KIF5A: variants seen among roughly 807,000 people sequenced by gnomAD.
KIF5A encodes kinesin heavy chain isoform 5A.
A neutral mutation model predicts 141.3 loss-of-function variants in KIF5A; 35 were observed. That is an observed-to-expected ratio of 0.25 (90% confidence interval 0.19 to 0.33). KIF5A has a LOEUF of 0.33. KIF5A is among the 10% of genes least tolerant of loss of function. The probability of loss-of-function intolerance (pLI) is 1.00; values close to 1 mark genes in which losing one functional copy is unlikely to be tolerated. For synonymous variants in KIF5A, 448 were observed against 500.2 expected (o/e 0.90, Z 1.39); for missense variants, 861 against 1,314.3 (o/e 0.66, Z 5.33).
At position 57,567,529 on chromosome 12, in the gene KIF5A, T is replaced by G; in HGVS notation, c.625T>G (p.Phe209Val). The change falls in exon 8 of 29, where the codon TTC becomes GTC. Residue 209 changes from phenylalanine (F) to valine (V), a missense_variant. Phe to Val is a conservative substitution (Grantham distance 50, BLOSUM62 -1). This residue lies in a region of KIF5A where 146 missense variants were observed against 353.4 expected (regional missense o/e 0.41). Transcript: ENST00000455537. ...NEHSSRSHSI[F>V]LINIKQENME... ...ACACAGCTCTCGGAGCCACAGCATC[T>G]TCCTCATCAACATCAAGCAGGAGAA... The G allele has an allele frequency of 6.2e-7, 1 of 1,613,436 alleles. No individual in the cohort carries two copies. Among genetic ancestry groups the G allele is most frequent in the South Asian group, 1.1e-5 (1 of 91,022 alleles).
intron 24 of KIF5A, 74 bp downstream of exon 24, chr12:57,581,246 C>G (rs991518380): frequency 2.0e-6 from 3 of 1,512,228 alleles, no homozygotes; most frequent in African/African-American, 2.8e-5. Context: ...TGCCAAGCAA[C>G]TAGATTATTG....
At chr12:57,559,245 A>G (rs1445195390) in intron 1 of KIF5A, among the ~76,000 whole-genome samples, 1 of 152,262 alleles carries the variant, frequency 6.6e-6, no homozygotes, top group Non-Finnish European at 1.5e-5. Context: ...AGTGGAGGTC[A>G]TAAAGCATAT....
chr12:57,550,541 T>G lies in KIF5A; in HGVS notation c.129+141T>G. ...TCATCCTCTTCCCCGCAGCCCCTCCTCTCCCCTGCATCAGGATGGCTGGGT... is the reference window on the plus strand; with the variant it reads ...TCATCCTCTTCCCCGCAGCCCCTCCGCTCCCCTGCATCAGGATGGCTGGGT... On this transcript the variant is annotated intron_variant, in intron 1 of 28. Coordinates refer to ENST00000455537, the MANE Select transcript of KIF5A (RefSeq NM_004984.4). This position sits in a 1 kb window ranked among gnomAD's most constrained non-coding sequence, Gnocchi z 4.6. The G allele has an allele frequency of 2.3e-6, 2 of 862,568 alleles. No individual in the cohort carries two copies. The highest frequency in any genetic ancestry group is 3.6e-6 in the Non-Finnish European group (2 of 560,536). The allele number at this position is 862,568 out of a possible 1,614,324, so 53.4% of individuals were successfully genotyped here. A position where few individuals can be genotyped will look rare whatever the true frequency, so the allele number is the denominator to read the frequency against.
At chr12:57,552,823 C>T (rs1437689849) in intron 1 of KIF5A, among the ~76,000 whole-genome samples, 1 of 152,094 alleles carries the variant, frequency 6.6e-6, no homozygotes, top group Non-Finnish European at 1.5e-5. Flanking sequence ...CCAATGCAGC[C>T]CCTACTCCTT....
In KIF5A at chr12:57,567,146, G is replaced by A. The variant is rs1443344036; in HGVS notation, c.522G>A (p.Val174=). 3.1e-6 allele frequency: 5 copies of A among 1,612,618 alleles called. No homozygotes were observed. The highest frequency in any genetic ancestry group is 4.2e-6 in the Non-Finnish European group (5 of 1,179,096). ...PFVKGCTERF[V]SSPEEILDVI... ...CACAGGGTTGTACTGAACGCTTTGT[G>A]TCCAGCCCGGAGGAGATTCTGGATG... Residue 174 remains valine (V), a synonymous_variant, in exon 7 of 29, where the codon GTG becomes GTA. Coordinates refer to ENST00000455537, the MANE Select transcript of KIF5A (RefSeq NM_004984.4).
Position 57,572,244 on chromosome 12 carries a change from G to A in KIF5A, c.1546G>A (p.Val516Met), listed in dbSNP as rs1882278218. The A allele has an allele frequency of 1.9e-6, 3 of 1,602,104 alleles. No homozygotes were observed. The highest frequency in any genetic ancestry group is 2.6e-6 in the Non-Finnish European group (3 of 1,174,172). ...EEKSQQNQLL[V>M]DELSQKVATM... ...GAAGAGCCAGCAGAACCAGCTTCTG[G>A]TGGATGAGCTGTCTCAGAAGGTGGT... Residue 516 changes from valine to methionine, a missense_variant, in exon 14 of 29, where the codon GTG (valine) becomes ATG (methionine). Val to Met is a conservative substitution (Grantham distance 21). Transcript: ENST00000455537. The surrounding 1 kb of genome is among the most constrained non-coding windows in gnomAD (Gnocchi z 4.2).
chr12:57,583,324 TTTAA>T, intron 28 of KIF5A, 109 bp downstream of exon 28: 1 of 687,102 alleles, frequency 1.5e-6, no homozygotes, highest in Non-Finnish European at 2.6e-6. Context: ...ACCTCAAAAC[TTTAA>T]TTATGTAGTT....
At chr12:57,559,525 T>C (rs1594909891) in intron 1 of KIF5A, among the ~76,000 whole-genome samples, 1 of 152,320 alleles carries the variant, frequency 6.6e-6, no homozygotes, top group East Asian at 1.9e-4. Flanking sequence ...CATTTTATGA[T>C]GTTATAATTT....
At chr12:57,553,316 T>G (rs1042424192) in intron 1 of KIF5A, among the ~76,000 whole-genome samples, 8 of 152,108 alleles carry the variant, frequency 5.3e-5, no homozygotes, top group Non-Finnish European at 1.0e-4. Context: ...CTCCCTCAGG[T>G]CTCCCAATGG....
intron 12 of KIF5A, among the ~76,000 whole-genome samples, chr12:57,570,555 C>A (rs970082509): frequency 1.3e-5 from 2 of 152,120 alleles, no homozygotes; most frequent in Admixed American, 6.5e-5. Context: ...CATGCCACCA[C>A]GCCTGGCTAA....
At chr12:57,573,528 CT>C (rs1882320303) in intron 15 of KIF5A, among the ~76,000 whole-genome samples, 1 of 145,502 alleles carries the variant, frequency 6.9e-6, no homozygotes, top group African/African-American at 2.6e-5. Flanking sequence ...CAGACCTTGT[CT>C]TAAAAAAAAA....
In KIF5A at chr12:57,558,579, CAGG is replaced by C. The variant is rs1881816198; in HGVS notation, c.130-4857_130-4855del. On this transcript the variant is annotated intron_variant, in intron 1 of 28. Transcript: ENST00000455537. ...ATCCCAGCTACTCTGGAGGCTGAAG[CAGG>C]AGAACTGCTTGAGCCCGGGAGGCAG... is the stretch of plus-strand genomic sequence containing the variant. 2.0e-5 allele frequency among the ~76,000 whole-genome samples: 3 copies of C among 152,214 alleles called. No individual in the cohort carries two copies. In the South Asian group the frequency reaches 6.2e-4, roughly 31 times the overall value.
At position 57,586,469 on chromosome 12, in the gene KIF5A, T is replaced by G. The variant is rs1244600847; in HGVS notation, c.*2288T>G. On this transcript the variant is annotated 3_prime_UTR_variant, in exon 29 of 29. Transcript: ENST00000455537. ...CTGCTCCCCACCTTCACCGCATCCC[T>G]TTCAGAGCCAGGGTCACTGCAAGGG... The G allele has an allele frequency of 6.6e-6, 1 of 152,420 alleles. No individual in the cohort carries two copies. Among genetic ancestry groups the G allele is most frequent in the African/African-American group, 2.4e-5 (1 of 41,452 alleles). The allele number at this position is 152,420 out of a possible 1,614,324, so 9.4% of individuals were successfully genotyped here.
In KIF5A at chr12:57,564,302, T is replaced by C. The variant is rs1460537886; in HGVS notation, c.396+90T>C. 3.6e-6 allele frequency: 4 copies of C among 1,115,884 alleles called. No homozygotes were observed. The East Asian group carries it at 9.4e-5, about 26-fold the overall frequency. 69.1% of individuals were successfully genotyped at this position (1,115,884 alleles called of 1,614,324 possible). Reference sequence around the variant, plus strand: ...CACTGAAGAGCCTGGGCTCCCCAACTTGACTCCCTTTCCGGTTACCAGAGT... The same window carrying C: ...CACTGAAGAGCCTGGGCTCCCCAACCTGACTCCCTTTCCGGTTACCAGAGT... On this transcript the variant is annotated intron_variant, in intron 4 of 28. Transcript: ENST00000455537.
chr12:57,571,988 C>T, intron 13 of KIF5A, 73 bp from the exon 14 acceptor site: 2 of 1,342,764 alleles, frequency 1.5e-6, no homozygotes, highest in South Asian at 2.5e-5. Context: ...GGGGGCTCAG[C>T]TTCCCAGACC....
rs1265956693 is a variant in KIF5A at position 57,567,201 on chromosome 12, G to A, written c.577G>A (p.Val193Met). The stretch of plus-strand genomic sequence containing the variant: ...TGATGAAGGGAAATCAAATCGTCAT[G>A]TGGCTGTCACCAGTGAGTGAGGATA... ...VIDEGKSNRH[V>M]AVTNMNEHSS... The change falls in exon 7 of 29, where the codon GTG (valine) becomes ATG (methionine). Residue 193 changes from valine (V) to methionine (M), a missense_variant. By Grantham distance (21) the Val-to-Met change is conservative. Around this residue, in one of 5 missense-constraint regions of KIF5A, gnomAD observed 146 missense variants for 353.4 expected, o/e 0.41. Coordinates refer to ENST00000455537, the MANE Select transcript of KIF5A (RefSeq NM_004984.4). The A allele has an allele frequency of 3.1e-6, 5 of 1,612,342 alleles. No individual in the cohort carries two copies. Among genetic ancestry groups the A allele is most frequent in the Non-Finnish European group, 2.5e-6 (3 of 1,178,614 alleles).
chr12:57,562,287 C>T (rs535836972), intron 1 of KIF5A, among the ~76,000 whole-genome samples: 2 of 152,336 alleles, frequency 1.3e-5, no homozygotes, highest in East Asian at 1.9e-4. Flanking sequence ...GCAATCTTGG[C>T]TCACTGCAAC....
intron 8 of KIF5A, among the ~76,000 whole-genome samples, chr12:57,568,032 G>A (rs1012487894): frequency 3.3e-5 from 5 of 151,640 alleles, no homozygotes; most frequent in Non-Finnish European, 5.9e-5. Context: ...ACAGGCTCCC[G>A]CCACCAAGCC....
rs1881539170 is a variant in KIF5A at position 57,550,542 on chromosome 12, C to A, written c.129+142C>A. 1.1e-6 allele frequency: 1 copy of A among 909,412 alleles called. No homozygotes were observed. The highest frequency in any genetic ancestry group is 1.7e-6 in the Non-Finnish European group (1 of 592,218). 56.3% of individuals were successfully genotyped at this position (909,412 alleles called of 1,614,324 possible). ...CATCCTCTTCCCCGCAGCCCCTCCTCTCCCCTGCATCAGGATGGCTGGGTG... is the reference window on the plus strand; with the variant it reads ...CATCCTCTTCCCCGCAGCCCCTCCTATCCCCTGCATCAGGATGGCTGGGTG... On this transcript the variant is annotated intron_variant, in intron 1 of 28. Coordinates refer to ENST00000455537, the MANE Select transcript of KIF5A (RefSeq NM_004984.4). This position sits in a 1 kb window ranked among gnomAD's most constrained non-coding sequence, Gnocchi z 4.6.
Sources: allele counts gnomAD v4.1 joint callset (sites outside exome capture counted in the v4.1 genomes callset), GRCh38; gene constraint gnomAD v4.1.1; regional missense constraint gnomAD v4.1.1; non-coding constraint Gnocchi (gnomAD v3.1); transcripts MANE v1.5; gene names NCBI Gene and HGNC (gene_info 2026-07-23, HGNC 2026-07-21).